Variants in CTCFL observed in about 807,000 individuals in gnomAD.
CTCFL encodes transcriptional repressor CTCFL.
In CTCFL, 36 loss-of-function variants were observed where a neutral mutation model predicts 67.4. The ratio of observed to expected loss-of-function variants is 0.53; its 90% CI spans 0.41 to 0.71. The LOEUF (loss-of-function observed/expected upper bound fraction) is 0.71. Among genes scored for constraint, CTCFL ranks in the 30% least tolerant of loss-of-function variants. The probability of loss-of-function intolerance (pLI) is 0.00; values close to 1 mark genes in which losing one functional copy is unlikely to be tolerated. For missense variants in CTCFL, 786 were observed against 835.2 expected (o/e 0.94, Z 0.73); for synonymous variants, 324 against 302.3 (o/e 1.07, Z -0.75).
intron 9 of CTCFL, chr20:57,507,044 C>G: frequency 1.0e-6 from 1 of 986,090 alleles, no homozygotes; most frequent in Non-Finnish European, 1.2e-6. Flanking sequence ...TAGGCTGAAG[C>G]CTACATGGTC....
At chr20:57,507,929 TTC>T (rs2146326034) in intron 9 of CTCFL, 1 of 673,050 alleles carries the variant, frequency 1.5e-6, no homozygotes, top group East Asian at 2.7e-5. Context: ...AACAGCACTA[TTC>T]TTTTTTTTTT....
intron 5 of CTCFL, among the ~76,000 whole-genome samples, chr20:57,518,096 T>C (rs928423085): frequency 2.0e-5 from 3 of 152,218 alleles, no homozygotes; most frequent in African/African-American, 7.2e-5. Flanking sequence ...GGGTGTACTG[T>C]TGACCCAGTC....
chr20:57,518,726 C>T (rs2069113975), intron 5 of CTCFL, 32 bp downstream of exon 5: 5 of 1,613,912 alleles, frequency 3.1e-6, no homozygotes, highest in Non-Finnish European at 4.2e-6. Flanking sequence ...TACTAAGATG[C>T]CATGAAGCTT....
chr20:57,521,563 C>T (rs1487723985), intron 3 of CTCFL, among the ~76,000 whole-genome samples: 1 of 152,180 alleles, frequency 6.6e-6, no homozygotes, highest in Non-Finnish European at 1.5e-5. Context: ...AATTCCACTC[C>T]TAAGTATATA....
chr20:57,515,081 C>T (rs1047289288), intron 6 of CTCFL: 2 of 254,446 alleles, frequency 7.9e-6, no homozygotes, highest in African/African-American at 4.5e-5. Context: ...AAAAGCAGCA[C>T]ACTTTATGTT....
chr20:57,514,079 C>T (rs925940039), intron 7 of CTCFL, among the ~76,000 whole-genome samples: 2 of 152,212 alleles, frequency 1.3e-5, no homozygotes, highest in African/African-American at 2.4e-5. Flanking sequence ...TACAGGCCCG[C>T]CTCCTTTCCC....
In CTCFL at chr20:57,523,780, C is replaced by T. The variant is rs1262615272; in HGVS notation, c.426G>A (p.Leu142=). 4.3e-6 allele frequency: 7 copies of T among 1,613,262 alleles called. No homozygotes were observed. Among genetic ancestry groups the T allele is most frequent in the Admixed American group, 3.3e-5 (2 of 60,010 alleles). Residue 142 remains leucine (L), a synonymous_variant, in exon 2 of 11, where the codon CTG becomes CTA. Transcript: ENST00000243914. ...ACACCTCCATCTCTTGCGGGGAGTA[C>T]AGCTCTTGCTGGATACTAATGGCCA... The part of the protein sequence containing the change: ...QCVAISIQQE[L]YSPQEMEVLQ...
At chr20:57,505,286 T>C (rs776320743) in intron 9 of CTCFL, among the ~76,000 whole-genome samples, 7 of 151,796 alleles carry the variant, frequency 4.6e-5, no homozygotes, top group Admixed American at 2.6e-4. Flanking sequence ...GACGGAGTCT[T>C]GCTCTTTCGT....
At chr20:57,513,692 G>A in intron 7 of CTCFL, 1 of 1,188,776 alleles carries the variant, frequency 8.4e-7, no homozygotes, top group South Asian at 1.6e-5. Flanking sequence ...AAATAAAAGT[G>A]AAGACTTTGT....
chr20:57,523,537 G>A (rs2069560309), intron 2 of CTCFL, 126 bp downstream of exon 2: 1 of 1,318,862 alleles, frequency 7.6e-7, no homozygotes, highest in African/African-American at 1.5e-5. Flanking sequence ...AGATTTTCCT[G>A]GGAAGTATTT....
At chr20:57,512,847 G>T in intron 7 of CTCFL, 95 bp from the exon 8 acceptor site, 2 of 1,167,010 alleles carry the variant, frequency 1.7e-6, no homozygotes, top group Non-Finnish European at 1.2e-6. Flanking sequence ...CAGCCTTGGC[G>T]CTGGAACATG....
chr20:57,496,301 T>C, downstream of CTCFL: 1 of 694,526 alleles, frequency 1.4e-6, no homozygotes, highest in Middle Eastern at 2.6e-4. Flanking sequence ...GATTGTAAGT[T>C]TCCTGAGGCC....
chr20:57,524,466 C>A, intron 1 of CTCFL: 1 of 1,311,132 alleles, frequency 7.6e-7, no homozygotes, highest in Non-Finnish European at 9.7e-7. Context: ...TGGGCCTCAG[C>A]AGGCTTAGGG....
At chr20:57,510,704 A>G (rs1486333038) in intron 8 of CTCFL, among the ~76,000 whole-genome samples, 1 of 152,192 alleles carries the variant, frequency 6.6e-6, no homozygotes, top group Admixed American at 6.5e-5. Flanking sequence ...TCTACTAAAA[A>G]TACAAAAAAT....
intron 7 of CTCFL, among the ~76,000 whole-genome samples, chr20:57,514,274 CTA>C (rs917393769): frequency 6.6e-6 from 1 of 152,238 alleles, no homozygotes; most frequent in East Asian, 1.9e-4. Context: ...GCAGGTTACT[CTA>C]TGTCTCTGAT....
Position 57,523,163 on chromosome 20 carries a change from G to A in CTCFL, c.659C>T (p.Ser220Leu). ...CTCTTGTTCTTCCACATTTGAATTTGAAACTGTGAGAACAATTTCGTCACT... is the reference window on the plus strand; with the variant it reads ...CTCTTGTTCTTCCACATTTGAATTTAAAACTGTGAGAACAATTTCGTCACT... The part of the protein sequence containing the change: ...ERSDEIVLTV[S>L]NSNVEEQEDQ... The change falls in exon 3 of 11, where the codon TCA becomes TTA. Residue 220 changes from serine (S) to leucine (L), a missense_variant. Transcript: ENST00000243914. The A allele has an allele frequency of 6.2e-7, 1 of 1,613,980 alleles. No homozygotes were observed. The highest frequency in any genetic ancestry group is 8.5e-7 in the Non-Finnish European group (1 of 1,179,994).
chr20:57,524,077 G>C lies in CTCFL; in HGVS notation c.129C>G (p.Ser43Arg), dbSNP rs1056297198. The change falls in exon 2 of 11, where the codon AGC becomes AGG. Residue 43 changes from serine to arginine, a missense_variant. This residue lies in a region of CTCFL where 333 missense variants were observed against 304.6 expected (regional missense o/e 1.09). Transcript: ENST00000243914. Reference protein sequence around the residue: ...DGVCREKDHRSPSELEAERTS... With the variant: ...DGVCREKDHRRPSELEAERTS... ...TACGCTCGGCCTCCAACTCACTAGG[G>C]CTCCGATGGTCTTTCTCTCTGCACA... is the stretch of plus-strand genomic sequence containing the variant. 1.9e-5 allele frequency: 31 copies of C among 1,613,554 alleles called. No individual in the cohort carries two copies. Among genetic ancestry groups the C allele is most frequent in the Non-Finnish European group, 2.5e-5 (30 of 1,179,984 alleles).
At position 57,503,542 on chromosome 20, in the gene CTCFL, T is replaced by C; in HGVS notation, c.1734A>G (p.Ser578=). 6.2e-7 allele frequency: 1 copy of C among 1,614,216 alleles called. No individual in the cohort carries two copies. The change falls in exon 10 of 11, where the codon TCA becomes TCG. Residue 578 remains serine (S), a synonymous_variant. Transcript: ENST00000243914. ...TCTTTCTTGTTCTTCTTCCCTTTCC[T>C]GAAGCAGCCGACTTTGCTTCCCCTG... The part of the protein sequence containing the change: ...CGSGEAKSAA[S]GKGRRTRKRK...
chr20:57,516,247 T>C (rs1320881260), intron 5 of CTCFL, among the ~76,000 whole-genome samples: 1 of 152,160 alleles, frequency 6.6e-6, no homozygotes, highest in Non-Finnish European at 1.5e-5. Flanking sequence ...ATCTTGAAAC[T>C]CTAGCTCTCG....
Sources: gnomAD v4.1 joint callset for allele counts (sites outside exome capture counted in the v4.1 genomes callset) on GRCh38, gnomAD v4.1.1 for gene constraint, gnomAD v4.1.1 regional missense constraint, MANE v1.5 for transcripts, NCBI Gene and HGNC (gene_info 2026-07-23, HGNC 2026-07-21) for gene names.